The following TCF12 variants were observed in gnomAD, a reference collection of about 807,000 sequenced individuals.
The protein encoded by TCF12 is DNA-binding protein HTF4.
TCF12 carries 45 observed loss-of-function variants against 86.0 expected under a neutral mutation model. The observed-to-expected ratio is 0.52, with a 90% confidence interval of 0.41 to 0.67. TCF12 has a LOEUF of 0.67. TCF12 is among the 30% of genes least tolerant of loss of function. TCF12 has a pLI of 0.00. For missense variants in TCF12, 881 were observed against 859.9 expected, an observed-to-expected ratio of 1.02 and a Z score of -0.31; for synonymous variants, 330 against 299.6, an observed-to-expected ratio of 1.10 and a Z score of -1.05.
At chr15:56,945,704 T>C (rs1046863817) in intron 3 of TCF12, among the ~76,000 whole-genome samples, 5 of 152,186 alleles carry the variant, frequency 3.3e-5, no homozygotes, top group South Asian at 2.1e-4. Flanking sequence ...TTTGCCATGG[T>C]TTGAATGTCC....
chr15:56,958,907 G>A (rs2061619437), intron 3 of TCF12, among the ~76,000 whole-genome samples: 1 of 152,088 alleles, frequency 6.6e-6, no homozygotes, highest in South Asian at 2.1e-4. Flanking sequence ...TAATTTTGGG[G>A]ATGCCTGGTT....
At chr15:57,175,701 C>T (rs1277423232) in intron 6 of TCF12, among the ~76,000 whole-genome samples, 3 of 152,088 alleles carry the variant, frequency 2.0e-5, no homozygotes, top group Non-Finnish European at 2.9e-5. Context: ...TCTGAGCAAA[C>T]CTGTTTCAGA....
intron 8 of TCF12, among the ~76,000 whole-genome samples, chr15:57,212,329 G>A (rs1410222307): frequency 6.6e-6 from 1 of 151,968 alleles, no homozygotes; most frequent in Non-Finnish European, 1.5e-5. Flanking sequence ...TGTCACCCTC[G>A]CTAGAGTACA....
intron 3 of TCF12, among the ~76,000 whole-genome samples, chr15:57,038,716 A>C (rs1052191707): frequency 4.6e-5 from 7 of 152,148 alleles, no homozygotes; most frequent in Admixed American, 2.0e-4. Flanking sequence ...TGTCCTAAGC[A>C]TTTTTGTTAT....
At chr15:57,177,076 C>A (rs940940381) in intron 6 of TCF12, among the ~76,000 whole-genome samples, 1 of 151,976 alleles carries the variant, frequency 6.6e-6, no homozygotes, top group Non-Finnish European at 1.5e-5. Flanking sequence ...CACTAGTTGG[C>A]ACACAGTAGG....
intron 3 of TCF12, among the ~76,000 whole-genome samples, chr15:57,038,026 G>C (rs1435252981): frequency 3.9e-5 from 6 of 152,142 alleles, no homozygotes; most frequent in African/African-American, 1.4e-4. Context: ...ATTCATAAGA[G>C]TTCAAGGAAA....
chr15:57,282,912 C>T (rs961951644), intron 20 of TCF12, among the ~76,000 whole-genome samples: 4 of 152,152 alleles, frequency 2.6e-5, no homozygotes, highest in South Asian at 2.1e-4. Flanking sequence ...ATGACTCAAC[C>T]GTCAGAAAAC....
intron 3 of TCF12, among the ~76,000 whole-genome samples, chr15:56,934,047 A>C (rs1595738377): frequency 6.6e-6 from 1 of 152,154 alleles, no homozygotes; most frequent in South Asian, 2.1e-4. Flanking sequence ...TTTTTGGTTA[A>C]ATGGGGGAAA....
intron 3 of TCF12, among the ~76,000 whole-genome samples, chr15:56,960,940 G>T (rs1595866898): frequency 6.6e-6 from 1 of 150,608 alleles, no homozygotes; most frequent in East Asian, 2.0e-4. Context: ...AGGAGTTCGA[G>T]ACCAGCCTGG....
At chr15:56,952,648 G>A (rs1454289830) in intron 3 of TCF12, among the ~76,000 whole-genome samples, 1 of 151,854 alleles carries the variant, frequency 6.6e-6, no homozygotes, top group Non-Finnish European at 1.5e-5. Context: ...GTTATATATG[G>A]CATTGTTTTA....
chr15:57,195,843 G>C (rs1022277786), intron 7 of TCF12, among the ~76,000 whole-genome samples: 2 of 152,004 alleles, frequency 1.3e-5, no homozygotes, highest in African/African-American at 2.4e-5. Context: ...CTCTACAAAC[G>C]AAATTTTTTT....
At chr15:57,256,608 T>C (rs1366449347) in intron 16 of TCF12, among the ~76,000 whole-genome samples, 1 of 136,902 alleles carries the variant, frequency 7.3e-6, no homozygotes, top group Non-Finnish European at 1.6e-5. Flanking sequence ...CAGAAGTTTG[T>C]CGATTTTTTC....
intron 5 of TCF12, among the ~76,000 whole-genome samples, chr15:57,113,039 C>G (rs1236569690): frequency 6.6e-6 from 1 of 152,108 alleles, no homozygotes; most frequent in Non-Finnish European, 1.5e-5. Flanking sequence ...TCTGTGTGTC[C>G]TACTTCTAGG....
At chr15:57,030,448 G>T (rs2066097866) in intron 3 of TCF12, among the ~76,000 whole-genome samples, 1 of 152,204 alleles carries the variant, frequency 6.6e-6, no homozygotes, top group African/African-American at 2.4e-5. Flanking sequence ...ATGGGATCTT[G>T]CTGTGTTGCC....
chr15:57,075,685 A>G (rs2069828714), intron 4 of TCF12, among the ~76,000 whole-genome samples: 1 of 151,994 alleles, frequency 6.6e-6, no homozygotes, highest in Non-Finnish European at 1.5e-5. Context: ...AGGGAATTTA[A>G]GCCTGAGTTC....
At chr15:57,074,491 C>A (rs1238312744) in intron 4 of TCF12, among the ~76,000 whole-genome samples, 1 of 151,726 alleles carries the variant, frequency 6.6e-6, no homozygotes, top group African/African-American at 2.4e-5. Context: ...AAATGCCCAA[C>A]AAGAAGTTTG....
intron 3 of TCF12, among the ~76,000 whole-genome samples, chr15:57,041,603 A>G (rs754784271): frequency 1.2e-4 from 19 of 152,238 alleles, no homozygotes; most frequent in Non-Finnish European, 2.2e-4. Flanking sequence ...AATGGCACAA[A>G]GAAGAGAACA....
At chr15:57,160,300 G>A (rs1414342055) in intron 5 of TCF12, among the ~76,000 whole-genome samples, 4 of 152,154 alleles carry the variant, frequency 2.6e-5, no homozygotes, top group Non-Finnish European at 5.9e-5. Flanking sequence ...TCACGTGGTG[G>A]CAGCATGGAA....
chr15:57,118,377 T>A (rs1301223110), intron 5 of TCF12: 1 of 152,248 alleles, frequency 6.6e-6, no homozygotes, highest in African/African-American at 2.4e-5. Context: ...GCAGTTGAAC[T>A]AGAAACTATA....
Sources: allele counts gnomAD v4.1 joint callset (sites outside exome capture counted in the v4.1 genomes callset), GRCh38; gene constraint gnomAD v4.1.1; transcripts MANE v1.5; gene names NCBI Gene and HGNC (gene_info 2026-07-23, HGNC 2026-07-21).